The following NT5DC1 variants were observed in gnomAD, a reference collection of about 807,000 sequenced individuals.
NT5DC1 encodes the protein 5'-nucleotidase domain containing 1.
A neutral mutation model predicts 59.4 loss-of-function variants in NT5DC1; 42 were observed. That is an observed-to-expected ratio of 0.71 (90% CI 0.55 to 0.92). NT5DC1 has a LOEUF of 0.92. Ranked by LOEUF, NT5DC1 falls within the 40% of genes least tolerant of loss-of-function variation. The pLI is 0.00. For missense variants in NT5DC1, 501 were observed against 537.1 expected, an observed-to-expected ratio of 0.93 and a Z score of 0.66; for synonymous variants, 172 against 188.1, an observed-to-expected ratio of 0.91 and a Z score of 0.70.
At chr6:116,107,930 A>C (rs1778798415) in intron 2 of NT5DC1, among the ~76,000 whole-genome samples, 1 of 152,106 alleles carries the variant, frequency 6.6e-6, no homozygotes, top group South Asian at 2.1e-4. Flanking sequence ...CCTGACCTAA[A>C]TTGAGACGAA....
intron 8 of NT5DC1, among the ~76,000 whole-genome samples, chr6:116,233,068 T>C (rs1782049655): frequency 6.6e-6 from 1 of 152,214 alleles, no homozygotes; most frequent in South Asian, 2.1e-4. Flanking sequence ...CTATTAGTGA[T>C]TAAGTTAAAG....
chr6:116,110,248 C>T (rs1004118829), intron 3 of NT5DC1, among the ~76,000 whole-genome samples: 1 of 152,184 alleles, frequency 6.6e-6, no homozygotes, highest in Non-Finnish European at 1.5e-5. Context: ...AGCAGTATTT[C>T]GAGCACAGAA....
At position 116,130,198 on chromosome 6, in the gene NT5DC1, T is replaced by C. The variant is rs114037718; in HGVS notation, c.529+12253T>C. On this transcript the variant is annotated intron_variant, in intron 6 of 11. Coordinates refer to ENST00000319550, the MANE Select transcript of NT5DC1 (RefSeq NM_152729.3). ...TGATTACCCTGAAGTACAGTGTGTA[T>C]AGAAAAAGCAGGAGAAATGCCTTTA... 2.2e-3 allele frequency among the ~76,000 whole-genome samples: 328 copies of C among 152,278 alleles called. 1 individual carries two copies. Among genetic ancestry groups the C allele is most frequent in the African/African-American group, 7.5e-3 (311 of 41,558 alleles).
At chr6:116,201,750 A>T (rs1274402357) in intron 6 of NT5DC1, among the ~76,000 whole-genome samples, 1 of 152,044 alleles carries the variant, frequency 6.6e-6, no homozygotes, top group Non-Finnish European at 1.5e-5. Context: ...ACAGGTGTAC[A>T]GCCTAAGCCA....
At chr6:116,206,334 A>G (rs544132270) in intron 6 of NT5DC1, among the ~76,000 whole-genome samples, 3 of 152,114 alleles carry the variant, frequency 2.0e-5, no homozygotes, top group South Asian at 2.1e-4. Context: ...ATCATTGCAT[A>G]TAATTCACAC....
chr6:116,220,413 G>A (rs918439273), intron 6 of NT5DC1, among the ~76,000 whole-genome samples: 2 of 152,158 alleles, frequency 1.3e-5, no homozygotes, highest in Non-Finnish European at 2.9e-5. Context: ...TAAAGGGGCA[G>A]AGCAAGCAAC....
chr6:116,146,044 T>C (rs2075606708), intron 6 of NT5DC1, among the ~76,000 whole-genome samples: 1 of 152,232 alleles, frequency 6.6e-6, no homozygotes, highest in Non-Finnish European at 1.5e-5. Flanking sequence ...CTCGTTTTCC[T>C]ATCACAGTTA....
In NT5DC1 at chr6:116,121,497, G is replaced by T. The variant is rs907207713; in HGVS notation, c.529+3552G>T. ...CCAGATGGTCCTGTGGGACCCTGAG[G>T]GCCTGGAAGACCCCTCTCACCTGGA... is the stretch of plus-strand genomic sequence containing the variant. On this transcript the variant is annotated intron_variant, in intron 6 of 11. Coordinates refer to ENST00000319550, the MANE Select transcript of NT5DC1 (RefSeq NM_152729.3). 2.5e-6 allele frequency: 4 copies of T among 1,614,088 alleles called. No homozygotes were observed. The highest frequency in any genetic ancestry group is 3.3e-5 in the Admixed American group (2 of 60,010).
intron 11 of NT5DC1, among the ~76,000 whole-genome samples, chr6:116,241,195 T>G (rs1582888996): frequency 7.2e-6 from 1 of 138,598 alleles, no homozygotes; most frequent in Admixed American, 7.1e-5. Context: ...ATAGAGAAAA[T>G]GTATGTCCAG....
At chr6:116,128,074 T>C (rs750495914) in intron 6 of NT5DC1, among the ~76,000 whole-genome samples, 2 of 152,122 alleles carry the variant, frequency 1.3e-5, no homozygotes, top group Admixed American at 1.3e-4. Flanking sequence ...TTAGTACTTA[T>C]TAGAGACACA....
At chr6:116,141,316 A>G (rs1779758411) in intron 6 of NT5DC1, among the ~76,000 whole-genome samples, 2 of 147,332 alleles carry the variant, frequency 1.4e-5, no homozygotes, top group African/African-American at 2.5e-5. Flanking sequence ...TATTTTTGAT[A>G]TTTATTTTCG....
At chr6:116,243,874 C>A (rs756384591) in intron 11 of NT5DC1, 35 bp from the exon 12 acceptor site, 1 of 778,558 alleles carries the variant, frequency 1.3e-6, no homozygotes, top group Non-Finnish European at 2.2e-6. Flanking sequence ...CATTCAGAGA[C>A]CTGTGCAATA....
intron 8 of NT5DC1, among the ~76,000 whole-genome samples, chr6:116,230,785 G>C (rs1019872967): frequency 1.3e-5 from 2 of 152,150 alleles, no homozygotes; most frequent in Non-Finnish European, 2.9e-5. Flanking sequence ...GGCTACAGTT[G>C]GGAAATTGTC....
intron 6 of NT5DC1, among the ~76,000 whole-genome samples, chr6:116,184,871 A>G (rs1388901836): frequency 6.6e-6 from 1 of 151,574 alleles, no homozygotes; most frequent in East Asian, 1.9e-4. Context: ...TTTTGTTTCA[A>G]TTTTTAGCTT....
intron 6 of NT5DC1, chr6:116,119,962 G>GAA: frequency 1.9e-6 from 2 of 1,048,700 alleles, no homozygotes; most frequent in Non-Finnish European, 2.9e-6. Flanking sequence ...CTGTATTTCA[G>GAA]AAAATAAAAA....
intron 6 of NT5DC1, among the ~76,000 whole-genome samples, chr6:116,162,472 A>G (rs1050306207): frequency 1.3e-5 from 2 of 152,034 alleles, no homozygotes; most frequent in Non-Finnish European, 2.9e-5. Flanking sequence ...TTTATTTATA[A>G]TTTTTATCAT....
Position 116,100,915 on chromosome 6 carries a change from T to C in NT5DC1, c.-16T>C, listed in dbSNP as rs766910854. 1.4e-5 allele frequency: 22 copies of C among 1,589,754 alleles called. No individual in the cohort carries two copies. In the Admixed American group the frequency reaches 2.4e-4, roughly 17 times the overall value. On this transcript the variant is annotated 5_prime_UTR_variant, in exon 1 of 12. Transcript: ENST00000319550. The stretch of plus-strand genomic sequence containing the variant: ...CCTTCGCGGCCGAGGCGCTCCCTGG[T>C]GCTCCCCGCGCAGCCATGGCTCAGC...
Position 116,106,343 on chromosome 6 carries a change from C to CTTT in NT5DC1, c.185+25_185+27dup, listed in dbSNP as rs56295720. On this transcript the variant is annotated intron_variant, in intron 2 of 11. Coordinates refer to ENST00000319550, the MANE Select transcript of NT5DC1 (RefSeq NM_152729.3). The stretch of plus-strand genomic sequence containing the variant: ...AGAGGATTGGGATTTCTGGTAAGTT[C>CTTT]TTTTTTTTTTTTTTTTTTTAAGTCT... 2.1e-5 allele frequency: 16 copies of CTTT among 779,668 alleles called. No individual in the cohort carries two copies. The highest frequency in any genetic ancestry group is 5.4e-5 in the East Asian group (2 of 36,818). The allele number at this position is 779,668 out of a possible 1,614,324, so 48.3% of individuals were successfully genotyped here.
intron 8 of NT5DC1, among the ~76,000 whole-genome samples, chr6:116,228,628 A>G (rs1781952085): frequency 6.6e-6 from 1 of 152,194 alleles, no homozygotes; most frequent in Admixed American, 6.5e-5. Context: ...AGTGGAAGAA[A>G]TATTTTTTAG....
Sources: gnomAD v4.1 joint callset for allele counts (sites outside exome capture counted in the v4.1 genomes callset) on GRCh38, gnomAD v4.1.1 for gene constraint, MANE v1.5 for transcripts, NCBI Gene and HGNC (gene_info 2026-07-23, HGNC 2026-07-21) for gene names.